The following VIPR2 variants were observed in gnomAD, a reference collection of about 807,000 sequenced individuals.
VIPR2 encodes the protein vasoactive intestinal peptide receptor 2.
Under a neutral mutation model 58.0 loss-of-function variants are expected in VIPR2, and 48 were observed. That is an observed-to-expected ratio of 0.83 (90% confidence interval 0.66 to 1.05). The LOEUF (loss-of-function observed/expected upper bound fraction) is 1.05, where lower values mean the gene tolerates loss of function less well. Ranked by LOEUF, VIPR2 falls within the 50% of genes least tolerant of loss-of-function variation. The probability of loss-of-function intolerance (pLI) is 0.00; values close to 1 mark genes in which losing one functional copy is unlikely to be tolerated. For synonymous variants in VIPR2, 243 were observed against 235.2 expected (o/e 1.03, Z -0.30); for missense variants, 534 against 558.0 (o/e 0.96, Z 0.43).
rs571150292 is a variant in VIPR2, at chr7:159,065,108, G to A, written c.358-6530C>T. On this transcript the variant is annotated intron_variant, in intron 4 of 12. Coordinates refer to ENST00000262178, the MANE Select transcript of VIPR2 (RefSeq NM_003382.5). ...CCCCACACGATTCCTCCTGGACTAA[G>A]GCTTTCTTGGCTCTCCTAAAGGCTT... Among the ~76,000 whole-genome samples the A allele has an allele frequency of 9.8e-5, 15 of 152,340 alleles. No homozygotes were observed. In the South Asian group the frequency reaches 2.7e-3, roughly 27 times the overall value.
At chr7:159,061,962 G>A (rs910915779) in intron 4 of VIPR2, among the ~76,000 whole-genome samples, 1 of 152,360 alleles carries the variant, frequency 6.6e-6, no homozygotes, top group Non-Finnish European at 1.5e-5. Context: ...TCCATGGCGG[G>A]AGGGCGGAAA....
rs1796715221 is a variant in VIPR2 at position 159,127,923 on chromosome 7, C to T, written c.151+14523G>A. 6.6e-6 allele frequency among the ~76,000 whole-genome samples: 1 copy of T among 152,176 alleles called. No homozygotes were observed. The highest frequency in any genetic ancestry group is 1.5e-5 in the Non-Finnish European group (1 of 68,018). On this transcript the variant is annotated intron_variant, in intron 2 of 12. Transcript: ENST00000262178. The surrounding 1 kb of genome is among the most constrained non-coding windows in gnomAD (Gnocchi z 4.6). ...TCAAGGCCTCAAGGCACGGGGAGTC[C>T]TGCCGTGCTATTCCAAGGACAATCT... is the stretch of plus-strand genomic sequence containing the variant.
chr7:159,035,068 A>G (rs1167460202), intron 8 of VIPR2, among the ~76,000 whole-genome samples: 1 of 152,198 alleles, frequency 6.6e-6, no homozygotes, highest in African/African-American at 2.4e-5. Context: ...CCAGCTCTCC[A>G]GCTCATAGCA....
chr7:159,035,812 G>C, intron 8 of VIPR2, 140 bp downstream of exon 8: 3 of 1,436,830 alleles, frequency 2.1e-6, no homozygotes, highest in Non-Finnish European at 2.8e-6. Context: ...GAATCGCCCA[G>C]ATGCTTCCTG....
chr7:159,058,967 C>A (rs115861564), intron 4 of VIPR2, among the ~76,000 whole-genome samples: 10 of 152,196 alleles, frequency 6.6e-5, no homozygotes, highest in Admixed American at 6.5e-4. Flanking sequence ...CAGGTGGACA[C>A]ACAGGTCTGA....
chr7:159,111,115 T>C (rs1795982707), intron 2 of VIPR2, among the ~76,000 whole-genome samples: 2 of 152,196 alleles, frequency 1.3e-5, no homozygotes, highest in South Asian at 4.1e-4. Flanking sequence ...AGAGTCTAAG[T>C]AGTAGAGTTA....
chr7:159,086,577 A>T (rs969349702), intron 4 of VIPR2, among the ~76,000 whole-genome samples: 2 of 152,174 alleles, frequency 1.3e-5, no homozygotes, highest in Non-Finnish European at 2.9e-5. Context: ...CAAGCTCTCA[A>T]CCCGGGGGAT....
chr7:159,042,848 C>T (rs999648968), intron 6 of VIPR2, among the ~76,000 whole-genome samples, 187 bp downstream of exon 6: 2 of 152,228 alleles, frequency 1.3e-5, no homozygotes, highest in African/African-American at 4.8e-5. Flanking sequence ...TCAGTGCCAC[C>T]CCCATGTCTC....
intron 6 of VIPR2, among the ~76,000 whole-genome samples, chr7:159,042,187 A>T (rs890830006): frequency 3.9e-5 from 6 of 152,214 alleles, no homozygotes; most frequent in African/African-American, 1.4e-4. Context: ...GTGCCAGCAG[A>T]GGGACCTATC....
chr7:159,117,260 A>C, intron 2 of VIPR2: 3 of 715,304 alleles, frequency 4.2e-6, no homozygotes, highest in Non-Finnish European at 7.8e-6. Flanking sequence ...TCACCAGTGT[A>C]TACCACACAC....
At chr7:159,115,925 G>A (rs576296081) in intron 2 of VIPR2, among the ~76,000 whole-genome samples, 9 of 151,240 alleles carry the variant, frequency 6.0e-5, no homozygotes, top group Admixed American at 1.3e-4. Flanking sequence ...CTTAGGCTGC[G>A]TTTAGCTAAG....
intron 2 of VIPR2, among the ~76,000 whole-genome samples, chr7:159,141,958 A>G (rs1467608728): frequency 6.6e-6 from 1 of 152,212 alleles, no homozygotes; most frequent in Admixed American, 6.5e-5. Flanking sequence ...CAAACCGGAG[A>G]AGGCGATCTG....
rs1229115347 is a variant in VIPR2, at chr7:159,099,376, G to T, written c.357+4381C>A. ...CGATGAAGGACCAGTGGACCCAGAA[G>T]AGCTTGCCACGTGTCCCTGGGATGC... On this transcript the variant is annotated intron_variant, in intron 4 of 12. Transcript: ENST00000262178. The surrounding 1 kb of genome is among the most constrained non-coding windows in gnomAD (Gnocchi z 4.2). Among the ~76,000 whole-genome samples the T allele has an allele frequency of 1.2e-4, 19 of 152,202 alleles. No individual in the cohort carries two copies. The highest frequency in any genetic ancestry group is 5.9e-5 in the Non-Finnish European group (4 of 68,042).
intron 4 of VIPR2, among the ~76,000 whole-genome samples, chr7:159,100,569 T>G (rs936408430): frequency 6.6e-6 from 1 of 152,218 alleles, no homozygotes; most frequent in Non-Finnish European, 1.5e-5. Context: ...CCTTATCCAC[T>G]AGCCACGTGA....
intron 6 of VIPR2, among the ~76,000 whole-genome samples, chr7:159,038,237 C>T (rs914920784): frequency 6.6e-6 from 1 of 152,150 alleles, no homozygotes; most frequent in African/African-American, 2.4e-5. Flanking sequence ...GCAGGCGGCC[C>T]CGACCTCCCC....
At chr7:159,037,389 CT>C (rs1354797741) in intron 6 of VIPR2, among the ~76,000 whole-genome samples, 3 of 152,378 alleles carry the variant, frequency 2.0e-5, no homozygotes, top group Non-Finnish European at 2.9e-5. Flanking sequence ...GGGCTCTGGC[CT>C]CTGTCCCTTT....
chr7:159,109,117 A>G (rs1363943877), intron 3 of VIPR2, among the ~76,000 whole-genome samples: 2 of 152,242 alleles, frequency 1.3e-5, no homozygotes, highest in Non-Finnish European at 2.9e-5. Context: ...GCTCCAAAGT[A>G]TTATGCTTTC....
Position 159,030,397 on chromosome 7 carries a change from C to T in VIPR2, c.*219G>A, listed in dbSNP as rs1853468297. 1 of 480,718 alleles carries T rather than the reference C, an allele frequency of 2.1e-6. No individual in the cohort carries two copies. The highest frequency in any genetic ancestry group is 3.5e-6 in the Non-Finnish European group (1 of 286,106). The allele number at this position is 480,718 out of a possible 1,614,324, so 29.8% of individuals were successfully genotyped here. ...CACTATACGGCTGAAACACATTTTG[C>T]ACAAGATTATCTAAATGCTGGAGTT... On this transcript the variant is annotated 3_prime_UTR_variant, in exon 13 of 13. Transcript: ENST00000262178.
intron 2 of VIPR2, among the ~76,000 whole-genome samples, chr7:159,120,935 C>A (rs1285657331): frequency 6.6e-6 from 1 of 152,214 alleles, no homozygotes; most frequent in Non-Finnish European, 1.5e-5. Context: ...TGGACTTAAA[C>A]AGGGGCCGTC....
Sources: allele counts gnomAD v4.1 joint callset (sites outside exome capture counted in the v4.1 genomes callset), GRCh38; gene constraint gnomAD v4.1.1; non-coding constraint Gnocchi (gnomAD v3.1); transcripts MANE v1.5; gene names NCBI Gene and HGNC (gene_info 2026-07-23, HGNC 2026-07-21).